Variants in KIRREL3 observed in about 807,000 individuals in gnomAD.
KIRREL3 encodes kin of IRRE-like protein 3.
A neutral mutation model predicts 89.7 loss-of-function variants in KIRREL3; 36 were observed. The ratio of observed to expected loss-of-function variants is 0.40; its 90% CI spans 0.31 to 0.53. The LOEUF (loss-of-function observed/expected upper bound fraction) is 0.53, where lower values mean the gene tolerates loss of function less well. Among genes scored for constraint, KIRREL3 ranks in the 20% least tolerant of loss-of-function variants. The pLI is 0.49. For synonymous variants in KIRREL3, 445 were observed against 441.4 expected (o/e 1.01, Z -0.10); for missense variants, 864 against 1,056.6 (o/e 0.82, Z 2.53).
Position 126,562,806 on chromosome 11 carries a change from C to T in KIRREL3, c.133+29G>A. ...GAGAGCTTCCTCCCTCCAGATTACT[C>T]CCGAGACAATGGGGAGGTTCTCACT... On this transcript the variant is annotated intron_variant, in intron 2 of 16. Coordinates refer to ENST00000525144, the MANE Select transcript of KIRREL3 (RefSeq NM_032531.4). The surrounding 1 kb of genome is among the most constrained non-coding windows in gnomAD (Gnocchi z 4.7). The T allele has an allele frequency of 1.3e-6, 2 of 1,596,894 alleles. No individual in the cohort carries two copies. Among genetic ancestry groups the T allele is most frequent in the East Asian group, 2.2e-5 (1 of 44,784 alleles).
At chr11:126,725,610 G>T (rs1948349072) in intron 1 of KIRREL3, among the ~76,000 whole-genome samples, 1 of 152,218 alleles carries the variant, frequency 6.6e-6, no homozygotes, top group South Asian at 2.1e-4. Flanking sequence ...GCCTTCCTTG[G>T]ATGATGGTGG....
At position 126,553,309 on chromosome 11, in the gene KIRREL3, G is replaced by A. The variant is rs1939432764; in HGVS notation, c.133+9526C>T. On this transcript the variant is annotated intron_variant, in intron 2 of 16. Transcript: ENST00000525144. The surrounding 1 kb of genome is among the most constrained non-coding windows in gnomAD (Gnocchi z 4.7). ...TCTGAGCACTTCTATCTTCTACTGA[G>A]TAAGGAAAGCCCACTCCAGAGTCAG... Among the ~76,000 whole-genome samples, 1 of 152,024 alleles carries A rather than the reference G, an allele frequency of 6.6e-6. No individual in the cohort carries two copies. The highest frequency in any genetic ancestry group is 2.1e-4 in the South Asian group (1 of 4,822).
intron 1 of KIRREL3, among the ~76,000 whole-genome samples, chr11:126,952,053 A>G (rs113780610): frequency 6.6e-6 from 1 of 152,250 alleles, no homozygotes; most frequent in Non-Finnish European, 1.5e-5. Flanking sequence ...AGGACAGAAA[A>G]AAAGAGAGGA....
Position 126,734,071 on chromosome 11 carries a change from A to G in KIRREL3, c.56-171159T>C, listed in dbSNP as rs1430171261. 2.6e-5 allele frequency among the ~76,000 whole-genome samples: 4 copies of G among 152,180 alleles called. No homozygotes were observed. The highest frequency in any genetic ancestry group is 5.9e-5 in the Non-Finnish European group (4 of 67,996). On this transcript the variant is annotated intron_variant, in intron 1 of 16. Transcript: ENST00000525144. The surrounding 1 kb of genome is among the most constrained non-coding windows in gnomAD (Gnocchi z 5.9). ...AGCATGAGGATCACCTGGGAGCCCC[A>G]CTCCAGAACTACTGAGGCAGAAGCT...
At position 126,931,123 on chromosome 11, in the gene KIRREL3, A is replaced by G. The variant is rs1947932383; in HGVS notation, c.55+69332T>C. Among the ~76,000 whole-genome samples the G allele has an allele frequency of 6.6e-6, 1 of 152,206 alleles. No homozygotes were observed. Among genetic ancestry groups the G allele is most frequent in the African/African-American group, 2.4e-5 (1 of 41,448 alleles). On this transcript the variant is annotated intron_variant, in intron 1 of 16. Transcript: ENST00000525144. This position sits in a 1 kb window ranked among gnomAD's most constrained non-coding sequence, Gnocchi z 5.1. Reference sequence around the variant, plus strand: ...CACAGGCCTCTATGCTCATCTCAGCATGGAACTTATGTGCACTACCTGTGT... The same window carrying G: ...CACAGGCCTCTATGCTCATCTCAGCGTGGAACTTATGTGCACTACCTGTGT...
rs1307071010 is a variant in KIRREL3, at chr11:126,498,470, A to C, written c.433+22845T>G. ...GCTAATTGTCGCTAGGCATCACACT[A>C]TCCTGTCTGTCAGGTAAGGGGTGGC... is the stretch of plus-strand genomic sequence containing the variant. On this transcript the variant is annotated intron_variant, in intron 4 of 16. Coordinates refer to ENST00000525144, the MANE Select transcript of KIRREL3 (RefSeq NM_032531.4). This position sits in a 1 kb window ranked among gnomAD's most constrained non-coding sequence, Gnocchi z 4.3. Among the ~76,000 whole-genome samples, 1 of 152,162 alleles carries C rather than the reference A, an allele frequency of 6.6e-6. No homozygotes were observed. Among genetic ancestry groups the C allele is most frequent in the Non-Finnish European group, 1.5e-5 (1 of 68,036 alleles).
intron 1 of KIRREL3, among the ~76,000 whole-genome samples, chr11:126,916,593 G>C (rs1420722009): frequency 1.3e-5 from 2 of 152,080 alleles, no homozygotes; most frequent in Admixed American, 6.5e-5. Flanking sequence ...AGAAAGCCAG[G>C]CTGTGTGATT....
intron 1 of KIRREL3, among the ~76,000 whole-genome samples, chr11:126,858,746 C>A (rs1453630981): frequency 2.6e-5 from 4 of 152,208 alleles, no homozygotes; most frequent in African/African-American, 9.7e-5. Context: ...GCAGAGACAG[C>A]TGATAGGCAG....
rs151009456 is a variant in KIRREL3, at chr11:126,645,796, A to T, written c.56-82884T>A. 1.9e-4 allele frequency among the ~76,000 whole-genome samples: 29 copies of T among 152,250 alleles called. No individual in the cohort carries two copies. The East Asian group carries it at 5.6e-3, about 29-fold the overall frequency. On this transcript the variant is annotated intron_variant, in intron 1 of 16. Coordinates refer to ENST00000525144, the MANE Select transcript of KIRREL3 (RefSeq NM_032531.4). This position sits in a 1 kb window ranked among gnomAD's most constrained non-coding sequence, Gnocchi z 4.9. ...GGACCACATTTAATTAAATGCCTACATTACTGCTTCCTCACACACCTTATT... is the reference window on the plus strand; with the variant it reads ...GGACCACATTTAATTAAATGCCTACTTTACTGCTTCCTCACACACCTTATT...
At chr11:126,437,576 A>G (rs1565449201) in intron 11 of KIRREL3, among the ~76,000 whole-genome samples, 2 of 140,208 alleles carry the variant, frequency 1.4e-5, no homozygotes, top group African/African-American at 5.0e-5. Context: ...GCCTGCACAT[A>G]TGTGCACATG....
chr11:126,889,152 C>G (rs990046137), intron 1 of KIRREL3, among the ~76,000 whole-genome samples: 12 of 152,184 alleles, frequency 7.9e-5, no homozygotes, highest in Non-Finnish European at 1.5e-4. Context: ...ATCAGGACTG[C>G]AAACACGTCC....
At chr11:126,540,535 A>G (rs1938280957) in intron 2 of KIRREL3, among the ~76,000 whole-genome samples, 2 of 152,238 alleles carry the variant, frequency 1.3e-5, no homozygotes, top group African/African-American at 2.4e-5. Flanking sequence ...CAAAGTCACT[A>G]TAAATCCTTT....
Position 126,851,625 on chromosome 11 carries a change from C to G in KIRREL3, c.55+148830G>C, listed in dbSNP as rs556717443. 3.9e-5 allele frequency among the ~76,000 whole-genome samples: 6 copies of G among 152,286 alleles called. No homozygotes were observed. The South Asian group carries it at 6.2e-4, about 16-fold the overall frequency. ...CCCTGGGAACCACATCCTGAACCCC[C>G]ACCAAGACCAAGGTGTCTTTATTCA... On this transcript the variant is annotated intron_variant, in intron 1 of 16. Coordinates refer to ENST00000525144, the MANE Select transcript of KIRREL3 (RefSeq NM_032531.4).
intron 2 of KIRREL3, among the ~76,000 whole-genome samples, chr11:126,538,396 G>A (rs1442285623): frequency 1.3e-5 from 2 of 152,214 alleles, no homozygotes; most frequent in Non-Finnish European, 2.9e-5. Flanking sequence ...ATAGGAAGAA[G>A]GGAAGGAGAG....
intron 1 of KIRREL3, among the ~76,000 whole-genome samples, chr11:126,819,497 G>A (rs576219654): frequency 6.6e-5 from 10 of 152,342 alleles, no homozygotes; most frequent in African/African-American, 2.2e-4. Flanking sequence ...ATTTGTCACC[G>A]GCAGGAGTGA....
intron 1 of KIRREL3, among the ~76,000 whole-genome samples, chr11:126,832,272 C>T (rs953926381): frequency 1.3e-5 from 2 of 152,126 alleles, no homozygotes; most frequent in South Asian, 2.1e-4. Flanking sequence ...GCACACTGAG[C>T]GTCTACTAGT....
At chr11:126,457,414 T>C (rs186811850) in intron 6 of KIRREL3, among the ~76,000 whole-genome samples, 1 of 152,014 alleles carries the variant, frequency 6.6e-6, no homozygotes, top group African/African-American at 2.4e-5. Context: ...TATGCACGTG[T>C]GTATGTGTGT....
In KIRREL3 at chr11:126,912,709, T is replaced by A. The variant is rs538113121; in HGVS notation, c.55+87746A>T. On this transcript the variant is annotated intron_variant, in intron 1 of 16. Coordinates refer to ENST00000525144, the MANE Select transcript of KIRREL3 (RefSeq NM_032531.4). This position sits in a 1 kb window ranked among gnomAD's most constrained non-coding sequence, Gnocchi z 4.7. The stretch of plus-strand genomic sequence containing the variant: ...ATGTTTCTGGGGTCTTTGTTTCAAA[T>A]GTGAGGCACAACAGAGCATCCTGCT... Among the ~76,000 whole-genome samples, 8 of 152,348 alleles carry A rather than the reference T, an allele frequency of 5.3e-5. No individual in the cohort carries two copies. Among genetic ancestry groups the A allele is most frequent in the African/African-American group, 1.9e-4 (8 of 41,584 alleles).
intron 1 of KIRREL3, among the ~76,000 whole-genome samples, chr11:126,972,445 G>A (rs537115919): frequency 4.6e-5 from 7 of 152,220 alleles, no homozygotes; most frequent in African/African-American, 1.2e-4. Context: ...CCATGATTCC[G>A]TCACTGCTAA....
Sources: allele counts gnomAD v4.1 joint callset (sites outside exome capture counted in the v4.1 genomes callset), GRCh38; gene constraint gnomAD v4.1.1; non-coding constraint Gnocchi (gnomAD v3.1); transcripts MANE v1.5; gene names NCBI Gene and HGNC (gene_info 2026-07-23, HGNC 2026-07-21).